Variants in NRXN1 observed in about 807,000 individuals in gnomAD.
NRXN1 encodes the protein neurexin 1, also known as neurexin-1.
In NRXN1, 39 loss-of-function variants were observed where a neutral mutation model predicts 150.9. That is an observed-to-expected ratio of 0.26 (90% CI 0.20 to 0.34). The LOEUF (loss-of-function observed/expected upper bound fraction) is 0.34. Among genes scored for constraint, NRXN1 ranks in the 10% least tolerant of loss-of-function variants. NRXN1 has a pLI of 1.00. For synonymous variants in NRXN1, 924 were observed against 757.0 expected (o/e 1.22, Z -3.62); for missense variants, 1,815 against 1,949.9 (o/e 0.93, Z 1.30).
chr2:50,171,060 A>T (rs1440138407), intron 18 of NRXN1, among the ~76,000 whole-genome samples: 1 of 152,198 alleles, frequency 6.6e-6, no homozygotes, highest in Non-Finnish European at 1.5e-5. Context: ...CATTGACTTC[A>T]TTAGGTGGAA....
chr2:50,085,716 AT>A (rs1558845810), intron 19 of NRXN1, among the ~76,000 whole-genome samples: 9 of 151,844 alleles, frequency 5.9e-5, no homozygotes, highest in East Asian at 1.9e-4. Flanking sequence ...TTATAAGAAA[AT>A]TTTTTTTATG....
chr2:50,643,283 T>G (rs1447017030), intron 5 of NRXN1, among the ~76,000 whole-genome samples: 3 of 151,960 alleles, frequency 2.0e-5, no homozygotes, highest in Admixed American at 2.0e-4. Flanking sequence ...TTCCAATCCT[T>G]TATTTTCTCC....
At chr2:50,427,856 G>A (rs1219618005) in intron 17 of NRXN1, among the ~76,000 whole-genome samples, 1 of 152,016 alleles carries the variant, frequency 6.6e-6, no homozygotes, top group African/African-American at 2.4e-5. Flanking sequence ...CTTCTGCCAT[G>A]TCCTGAGAAA....
chr2:51,016,956 G>T (rs1454016046), intron 2 of NRXN1, among the ~76,000 whole-genome samples: 2 of 152,098 alleles, frequency 1.3e-5, no homozygotes, highest in Non-Finnish European at 2.9e-5. Context: ...CCTTTGCAGG[G>T]ACATGGATGA....
At chr2:50,086,812 A>G (rs1271548753) in intron 19 of NRXN1, among the ~76,000 whole-genome samples, 2 of 138,318 alleles carry the variant, frequency 1.4e-5, no homozygotes, top group Non-Finnish European at 3.1e-5. Flanking sequence ...GGGGAGAGGC[A>G]GAGAAGAATG....
intron 19 of NRXN1, among the ~76,000 whole-genome samples, chr2:50,057,901 A>G (rs1378042473): frequency 6.6e-6 from 1 of 152,160 alleles, no homozygotes; most frequent in Non-Finnish European, 1.5e-5. Flanking sequence ...CAATCAGTTC[A>G]TTATTTGTTT....
At chr2:50,033,412 C>A (rs1689479749) in intron 21 of NRXN1, among the ~76,000 whole-genome samples, 1 of 152,066 alleles carries the variant, frequency 6.6e-6, no homozygotes, top group South Asian at 2.1e-4. Context: ...GCTGAGATAA[C>A]TGACTAGCCA....
At chr2:50,971,360 G>A (rs1245122032) in intron 2 of NRXN1, among the ~76,000 whole-genome samples, 4 of 151,984 alleles carry the variant, frequency 2.6e-5, no homozygotes, top group African/African-American at 9.7e-5. Flanking sequence ...CACAGTGGGC[G>A]GATCACAAGG....
chr2:50,605,509 T>C (rs1197254493), intron 8 of NRXN1, among the ~76,000 whole-genome samples: 1 of 152,044 alleles, frequency 6.6e-6, no homozygotes, highest in Non-Finnish European at 1.5e-5. Context: ...GAAATACAAA[T>C]GGCCAACAGG....
chr2:50,496,997 C>T (rs2091671863), intron 14 of NRXN1, among the ~76,000 whole-genome samples: 1 of 152,092 alleles, frequency 6.6e-6, no homozygotes, highest in African/African-American at 2.4e-5. Context: ...ATAGACTATC[C>T]TACAAACCTG....
At chr2:50,665,236 G>C (rs898757696) in intron 5 of NRXN1, among the ~76,000 whole-genome samples, 1 of 151,792 alleles carries the variant, frequency 6.6e-6, no homozygotes, top group African/African-American at 2.4e-5. Flanking sequence ...TAATAAAATA[G>C]ACTCTAAAAC....
chr2:50,101,407 T>C (rs1348498778), intron 18 of NRXN1, among the ~76,000 whole-genome samples: 1 of 152,068 alleles, frequency 6.6e-6, no homozygotes, highest in Non-Finnish European at 1.5e-5. Context: ...TTTGGGATTA[T>C]TTGTGGATTT....
intron 17 of NRXN1, among the ~76,000 whole-genome samples, chr2:50,293,672 T>C (rs751189082): frequency 2.0e-5 from 3 of 152,130 alleles, no homozygotes; most frequent in Non-Finnish European, 2.9e-5. Flanking sequence ...AAATGAGCGG[T>C]CTGTAGAAAT....
chr2:50,189,477 C>T (rs1278203468), intron 18 of NRXN1, among the ~76,000 whole-genome samples: 3 of 152,124 alleles, frequency 2.0e-5, no homozygotes, highest in Admixed American at 2.0e-4. Flanking sequence ...AACAAACCTG[C>T]ATGTTCTGCA....
At chr2:50,534,488 AT>A (rs1301660432) in intron 10 of NRXN1, among the ~76,000 whole-genome samples, 4 of 152,202 alleles carry the variant, frequency 2.6e-5, no homozygotes, top group African/African-American at 2.4e-5. Context: ...AGTGCAAATA[AT>A]CAAATTGCTG....
chr2:50,768,914 CA>C (rs1212780610), intron 5 of NRXN1, among the ~76,000 whole-genome samples: 2 of 150,744 alleles, frequency 1.3e-5, no homozygotes, highest in Admixed American at 6.6e-5. Context: ...ACAACAACAA[CA>C]ACACACACAC....
chr2:50,897,459 A>T (rs1682172427), intron 5 of NRXN1, among the ~76,000 whole-genome samples: 1 of 152,212 alleles, frequency 6.6e-6, no homozygotes, highest in Non-Finnish European at 1.5e-5. Context: ...GCAAGGGATT[A>T]TTTTAGGTGC....
In NRXN1 at chr2:50,865,580, A is replaced by ATGTGTGTGTGTGTGTGTGTGTGTGTG. The variant is rs112867077; in HGVS notation, c.832+56263_832+56288dup. Among the ~76,000 whole-genome samples, 20 of 130,768 alleles carry ATGTGTGTGTGTGTGTGTGTGTGTGTG rather than the reference A, an allele frequency of 1.5e-4. No individual in the cohort carries two copies. The East Asian group carries it at 4.6e-3, about 30-fold the overall frequency. 85.8% of individuals were successfully genotyped at this position (130,768 alleles called of 152,430 possible). A position where few individuals can be genotyped will look rare whatever the true frequency, so the allele number is the denominator to read the frequency against. On this transcript the variant is annotated intron_variant, in intron 5 of 22. Coordinates refer to ENST00000401669, the MANE Select transcript of NRXN1 (RefSeq NM_001330078.2). ...TCTCTAAGTGGCTCCAAATATATAA[A>ATGTGTGTGTGTGTGTGTGTGTGTGTG]TGTGTGTGTGTGTGTGTGTGTGTGT...
intron 17 of NRXN1, among the ~76,000 whole-genome samples, chr2:50,331,055 T>A (rs891160980): frequency 6.6e-6 from 1 of 152,124 alleles, no homozygotes; most frequent in Non-Finnish European, 1.5e-5. Flanking sequence ...TGTCATTTTT[T>A]AAAGAAAAGT....
Sources: gnomAD v4.1 joint callset for allele counts (sites outside exome capture counted in the v4.1 genomes callset) on GRCh38, gnomAD v4.1.1 for gene constraint, MANE v1.5 for transcripts, NCBI Gene and HGNC (gene_info 2026-07-23, HGNC 2026-07-21) for gene names.